Variants in RMDN3 observed in about 807,000 individuals in gnomAD.
The protein encoded by RMDN3 is regulator of microtubule dynamics 3, also known as regulator of microtubule dynamics protein 3.
RMDN3 carries 41 observed loss-of-function variants against 61.8 expected under a neutral mutation model. That is an observed-to-expected ratio of 0.66 (90% CI 0.52 to 0.86). The LOEUF is 0.86. RMDN3 is among the 40% of genes least tolerant of loss of function. The pLI is 0.00. For missense variants in RMDN3, 557 were observed against 585.3 expected, an observed-to-expected ratio of 0.95 and a Z score of 0.50; for synonymous variants, 247 against 232.0, an observed-to-expected ratio of 1.06 and a Z score of -0.59.
At position 40,737,441 on chromosome 15, in the gene RMDN3, T is replaced by C. The variant is rs1441472056; in HGVS notation, c.1225-100A>G. The C allele has an allele frequency of 4.8e-6, 6 of 1,253,696 alleles. No individual in the cohort carries two copies. The African/African-American group carries it at 8.9e-5, about 19-fold the overall frequency. The allele number at this position is 1,253,696 out of a possible 1,614,324, so 77.7% of individuals were successfully genotyped here. On this transcript the variant is annotated intron_variant, in intron 10 of 12. Transcript: ENST00000338376. ...TTCTAGTCCCCAACCATGTGGCTGA[T>C]TCAGTGGGTCTGAAGAAACCTATAT...
chr15:40,736,808 T>G (rs552721342), intron 12 of RMDN3, among the ~76,000 whole-genome samples: 1 of 152,176 alleles, frequency 6.6e-6, no homozygotes, highest in Non-Finnish European at 1.5e-5. Flanking sequence ...TAGGAAAGAT[T>G]ATTTTCTAAA....
Position 40,752,080 on chromosome 15 carries a change from A to T in RMDN3, c.286T>A (p.Phe96Ile). The T allele has an allele frequency of 6.2e-7, 1 of 1,614,194 alleles. No homozygotes were observed. The highest frequency in any genetic ancestry group is 8.5e-7 in the Non-Finnish European group (1 of 1,180,036). ...GQEKVLDRLD[F>I]VLTSLVALRR... ...AGCGCCACAAGGCTGGTCAGCACAA[A>T]GTCCAGGCGGTCCAGCACCTTCTCC... The change falls in exon 3 of 13, where the codon TTT (phenylalanine) becomes ATT (isoleucine). Residue 96 changes from phenylalanine (F) to isoleucine (I), a missense_variant. By Grantham distance (21) the Phe-to-Ile change is conservative (BLOSUM62 0). Transcript: ENST00000338376.
chr15:40,742,754 CT>C (rs1386267841), intron 6 of RMDN3, among the ~76,000 whole-genome samples: 1 of 152,200 alleles, frequency 6.6e-6, no homozygotes, highest in Non-Finnish European at 1.5e-5. Flanking sequence ...CCACTTCTGT[CT>C]TTGGGGTTCA....
At chr15:40,749,350 C>A (rs1428907984) in intron 4 of RMDN3, among the ~76,000 whole-genome samples, 1 of 151,840 alleles carries the variant, frequency 6.6e-6, no homozygotes, top group Admixed American at 6.6e-5. Context: ...CCCATCTGTA[C>A]AAAAAAAATA....
At chr15:40,738,833 T>C (rs1444393514) in intron 7 of RMDN3, 1 of 532,640 alleles carries the variant, frequency 1.9e-6, no homozygotes, top group African/African-American at 1.9e-5. Context: ...TTCACCACAG[T>C]AAATCTCTCT....
intron 4 of RMDN3, among the ~76,000 whole-genome samples, chr15:40,750,650 A>G (rs1566810467): frequency 6.6e-6 from 1 of 152,160 alleles, no homozygotes; most frequent in Non-Finnish European, 1.5e-5. Context: ...GTACCTGCTT[A>G]TAGCTAATTC....
At chr15:40,737,251 T>C (rs779195775) in intron 11 of RMDN3, 37 bp downstream of exon 11, 5 of 1,612,400 alleles carry the variant, frequency 3.1e-6, no homozygotes, top group South Asian at 1.1e-5. Flanking sequence ...CTTTCAGGAG[T>C]TCCCAGATCT....
rs140333217 is a variant in RMDN3 at position 40,744,894 on chromosome 15, C to T, written c.807+83G>A. 1.9e-4 allele frequency: 273 copies of T among 1,407,906 alleles called. 3 individuals carry two copies. In the African/African-American group the frequency reaches 3.1e-3, roughly 16 times the overall value. The allele number at this position is 1,407,906 out of a possible 1,614,324, so 87.2% of individuals were successfully genotyped here. ...TCACCTTGTAGGGGCAGTAACCACACGGGCCTTCATTCCCCAGGGGTCAGG... is the reference window on the plus strand; with the variant it reads ...TCACCTTGTAGGGGCAGTAACCACATGGGCCTTCATTCCCCAGGGGTCAGG... On this transcript the variant is annotated intron_variant, in intron 5 of 12. Coordinates refer to ENST00000338376, the MANE Select transcript of RMDN3 (RefSeq NM_018145.3).
At chr15:40,754,830 G>T (rs762682447) in intron 1 of RMDN3, 40 bp from the exon 2 acceptor site, 2 of 1,416,742 alleles carry the variant, frequency 1.4e-6, no homozygotes, top group Non-Finnish European at 1.9e-6. Context: ...GCAGGCGGGC[G>T]GGCGGGCGGG....
chr15:40,742,130 C>T (rs1163332623), intron 6 of RMDN3, among the ~76,000 whole-genome samples: 1 of 151,342 alleles, frequency 6.6e-6, no homozygotes, highest in East Asian at 1.9e-4. Context: ...AACAATCCTC[C>T]TGCTGGCATG....
intron 6 of RMDN3, among the ~76,000 whole-genome samples, chr15:40,741,987 T>G (rs1008501276): frequency 1.3e-5 from 2 of 151,822 alleles, no homozygotes; most frequent in Admixed American, 1.3e-4. Flanking sequence ...ACAAATGTAA[T>G]GCATTGAGGT....
chr15:40,750,912 C>T (rs1397109192), intron 4 of RMDN3, among the ~76,000 whole-genome samples: 2 of 152,188 alleles, frequency 1.3e-5, no homozygotes, highest in African/African-American at 4.8e-5. Flanking sequence ...TTGGAGGAGG[C>T]TGTCCACCAG....
intron 2 of RMDN3, 119 bp from the exon 3 acceptor site, chr15:40,752,297 G>T: frequency 2.0e-6 from 2 of 986,852 alleles, no homozygotes; most frequent in Non-Finnish European, 3.0e-6. Flanking sequence ...GTGACGCTCA[G>T]ATAGCACACG....
Position 40,751,823 on chromosome 15 carries a change from G to A in RMDN3, c.380+163C>T, listed in dbSNP as rs138266473. ...CATGAGAGTCCAGAAGCAGCAAGGA[G>A]CATGTGCAAGGCGAGGTACCAAATG... On this transcript the variant is annotated intron_variant, in intron 3 of 12. Transcript: ENST00000338376. Among the ~76,000 whole-genome samples the A allele has an allele frequency of 1.3e-4, 20 of 152,336 alleles. No homozygotes were observed. The East Asian group carries it at 3.9e-3, about 29-fold the overall frequency.
intron 6 of RMDN3, among the ~76,000 whole-genome samples, chr15:40,742,162 A>AT (rs1384998289): frequency 6.7e-6 from 1 of 148,712 alleles, no homozygotes; most frequent in East Asian, 2.0e-4. Context: ...TGCCTGGCTA[A>AT]TTTTTTAAGT....
At position 40,752,198 on chromosome 15, in the gene RMDN3, G is replaced by A. The variant is rs766826333; in HGVS notation, c.188-20C>T. On this transcript the variant is annotated intron_variant, in intron 2 of 12. Coordinates refer to ENST00000338376, the MANE Select transcript of RMDN3 (RefSeq NM_018145.3). ...GCATCACTGAAGGGGGAAACGAATG[G>A]GAGCCAGTGACACACAGGAATATGG... The A allele has an allele frequency of 6.2e-7, 1 of 1,606,928 alleles. No individual in the cohort carries two copies. The highest frequency in any genetic ancestry group is 1.1e-5 in the South Asian group (1 of 90,546).
At position 40,738,511 on chromosome 15, in the gene RMDN3, A is replaced by C; in HGVS notation, c.1037T>G (p.Phe346Cys). 1.2e-6 allele frequency: 2 copies of C among 1,614,156 alleles called. No individual in the cohort carries two copies. The highest frequency in any genetic ancestry group is 1.7e-6 in the Non-Finnish European group (2 of 1,180,030). The change falls in exon 8 of 13, where the codon TTT (phenylalanine) becomes TGT (cysteine). Residue 346 changes from phenylalanine to cysteine, a missense_variant. Phe to Cys is a radical substitution (Grantham distance 205). Coordinates refer to ENST00000338376, the MANE Select transcript of RMDN3 (RefSeq NM_018145.3). ...AAAGCCTGTCCTCACCTTGAAGCTA[A>C]AGCCACTCTGGATGCGCCTCTGGAT... ...ESIQRRIQSG[F>C]SFKEHVDKAI...
intron 6 of RMDN3, 71 bp from the exon 7 acceptor site, chr15:40,740,264 G>A (rs1447894858): frequency 2.9e-6 from 3 of 1,019,960 alleles, no homozygotes; most frequent in African/African-American, 1.6e-5. Context: ...CTTGTGGGAA[G>A]AATGACTGCT....
rs200342907 is a variant in RMDN3 at position 40,740,123 on chromosome 15, G to A, written c.971+10C>T. ...CTGGCTCTTCCCAGAACACTGCAGG[G>A]TGTTATTACCACAGGTGACAGTCAG... is the stretch of plus-strand genomic sequence containing the variant. On this transcript the variant is annotated intron_variant, in intron 7 of 12. Coordinates refer to ENST00000338376, the MANE Select transcript of RMDN3 (RefSeq NM_018145.3). 19 of 1,587,688 alleles carry A rather than the reference G, an allele frequency of 1.2e-5. No homozygotes were observed. The highest frequency in any genetic ancestry group is 1.6e-5 in the Non-Finnish European group (18 of 1,156,962).
Sources: gnomAD v4.1 joint callset for allele counts (sites outside exome capture counted in the v4.1 genomes callset) on GRCh38, gnomAD v4.1.1 for gene constraint, MANE v1.5 for transcripts, NCBI Gene and HGNC (gene_info 2026-07-23, HGNC 2026-07-21) for gene names.